SMS: variants seen among roughly 807,000 people sequenced by gnomAD.
SMS encodes spermidine aminopropyltransferase.
In SMS, 3 loss-of-function variants were observed where a neutral mutation model predicts 33.0. That is an observed-to-expected ratio of 0.09 (90% CI 0.04 to 0.23). The LOEUF (loss-of-function observed/expected upper bound fraction) is 0.23. SMS is among the 10% of genes least tolerant of loss of function. SMS has a pLI of 1.00. For synonymous variants in SMS, 103 were observed against 112.2 expected (o/e 0.92, Z 0.52); for missense variants, 117 against 288.6 (o/e 0.41, Z 4.31).
intron 9 of SMS, 29 bp downstream of exon 9, chrX:21,985,252 A>G: frequency 2.2e-6 from 2 of 914,351 alleles, no homozygotes. Context: ...TTTTCCCTCA[A>G]AACGCTCTAA....
chrX:21,951,340 C>T (rs906702718), intron 1 of SMS, among the ~76,000 whole-genome samples: 1 of 112,281 alleles, frequency 8.9e-6, no homozygotes, highest in Non-Finnish European at 1.9e-5. Context: ...GATATTAGAG[C>T]TTTGTCAGAT....
intron 7 of SMS, among the ~76,000 whole-genome samples, chrX:21,979,360 C>T (rs1408192027): frequency 9.2e-6 from 1 of 108,925 alleles, no homozygotes; most frequent in Non-Finnish European, 1.9e-5. Flanking sequence ...CCCTAGCCCC[C>T]TACCCCCGAT....
intron 7 of SMS, among the ~76,000 whole-genome samples, chrX:21,982,186 A>C (rs1415190342): frequency 1.8e-5 from 2 of 108,519 alleles, no homozygotes; most frequent in East Asian, 5.8e-4. Context: ...ATACAAAAAA[A>C]AATTAGCTGG....
chrX:21,944,476 A>G (rs1922036700), intron 1 of SMS, among the ~76,000 whole-genome samples: 1 of 100,559 alleles, frequency 9.9e-6, no homozygotes, highest in Non-Finnish European at 2.0e-5. Flanking sequence ...GCTTGAGCCC[A>G]AGAGTTCAAG....
intron 9 of SMS, among the ~76,000 whole-genome samples, chrX:21,992,190 C>A (rs1298846879): frequency 8.9e-6 from 1 of 112,226 alleles, no homozygotes; most frequent in Non-Finnish European, 1.9e-5. Context: ...GTAGTTTAAA[C>A]CATTGTGGAA....
chrX:21,950,433 C>CTT (rs55704293), intron 1 of SMS, among the ~76,000 whole-genome samples: 3 of 76,810 alleles, frequency 3.9e-5, no homozygotes, highest in African/African-American at 4.9e-5. Context: ...TATGACAGGA[C>CTT]TTTTTTTTTT....
At chrX:21,965,771 ATAAT>A (rs1282776495) in intron 1 of SMS, among the ~76,000 whole-genome samples, 1 of 108,386 alleles carries the variant, frequency 9.2e-6, no homozygotes, top group Non-Finnish European at 1.9e-5. Context: ...ATAAAATAAA[ATAAT>A]AAATAAATAA....
chrX:21,963,370 G>T (rs1213316206), intron 1 of SMS, among the ~76,000 whole-genome samples: 1 of 112,091 alleles, frequency 8.9e-6, no homozygotes, highest in Non-Finnish European at 1.9e-5. Flanking sequence ...TGCCCACAGG[G>T]ACCAGGCGGC....
At chrX:21,972,681 G>C in intron 4 of SMS, 110 bp downstream of exon 4, 1 of 546,196 alleles carries the variant, frequency 1.8e-6, no homozygotes, top group Non-Finnish European at 3.2e-6. Flanking sequence ...GGCCGAGGCA[G>C]GCGGATCACT....
intron 4 of SMS, among the ~76,000 whole-genome samples, chrX:21,975,255 A>T (rs1924459704): frequency 9.0e-6 from 1 of 110,965 alleles, no homozygotes; most frequent in African/African-American, 3.3e-5. Flanking sequence ...ATGCCCTTTA[A>T]TGCTAGGTTG....
At chrX:21,982,395 G>A (rs1925022895) in intron 7 of SMS, among the ~76,000 whole-genome samples, 1 of 109,403 alleles carries the variant, frequency 9.1e-6, no homozygotes, top group Admixed American at 9.8e-5. Flanking sequence ...GGCCCAGGAA[G>A]TTCTTGTGAA....
chrX:21,978,246 A>G (rs1458199905), intron 6 of SMS, 132 bp downstream of exon 6: 1 of 606,077 alleles, frequency 1.6e-6, no homozygotes, highest in East Asian at 3.5e-5. Flanking sequence ...TGAACAGACA[A>G]TTTAGTAACA....
chrX:21,943,979 C>T (rs898380763), intron 1 of SMS, among the ~76,000 whole-genome samples: 1 of 111,366 alleles, frequency 9.0e-6, no homozygotes, highest in African/African-American at 3.3e-5. Flanking sequence ...GATTCATGTT[C>T]TTTTCCCCGT....
intron 9 of SMS, among the ~76,000 whole-genome samples, chrX:21,987,377 G>C (rs772062268): frequency 8.9e-6 from 1 of 111,788 alleles, no homozygotes; most frequent in Non-Finnish European, 1.9e-5. Flanking sequence ...CTGTAGCTTA[G>C]GCTGGAGTGC....
At chrX:21,954,031 T>C (rs1395633787) in intron 1 of SMS, among the ~76,000 whole-genome samples, 1 of 111,217 alleles carries the variant, frequency 9.0e-6, no homozygotes, top group Non-Finnish European at 1.9e-5. Context: ...CATTCTCTAG[T>C]ATGCAGTTTC....
Position 21,940,739 on chromosome X carries a change from C to T in SMS, c.-86C>T. ...TGGCCTCCCCGGGCGCAGCACACTC[C>T]CAGCCGGCCGCAGCCTGACACGCCG... On this transcript the variant is annotated 5_prime_UTR_variant, in exon 1 of 11. Transcript: ENST00000404933. 1.2e-6 allele frequency: 1 copy of T among 822,605 alleles called. No homozygotes were observed. The highest frequency in any genetic ancestry group is 1.7e-6 in the Non-Finnish European group (1 of 591,514). 67.8% of individuals were successfully genotyped at this position (822,605 alleles called of 1,213,427 possible).
intron 9 of SMS, among the ~76,000 whole-genome samples, chrX:21,990,676 G>A (rs1925698051): frequency 8.9e-6 from 1 of 112,550 alleles, no homozygotes; most frequent in African/African-American, 3.2e-5. Flanking sequence ...GTCTGTGTAA[G>A]GAAGTCTTCC....
intron 7 of SMS, among the ~76,000 whole-genome samples, chrX:21,981,119 G>C (rs374244252): frequency 1.8e-5 from 2 of 111,172 alleles, no homozygotes; most frequent in East Asian, 5.6e-4. Context: ...TCAGGAGTTG[G>C]AGAACAGCCT....
intron 4 of SMS, 58 bp from the exon 5 acceptor site, chrX:21,977,003 G>A (rs899698649): frequency 1.0e-5 from 11 of 1,087,136 alleles, no homozygotes; most frequent in Non-Finnish European, 1.4e-5. Flanking sequence ...CTTCATCCTA[G>A]CTCCACTTGT....
Sources: gnomAD v4.1 joint callset for allele counts (sites outside exome capture counted in the v4.1 genomes callset) on GRCh38, gnomAD v4.1.1 for gene constraint, MANE v1.5 for transcripts, NCBI Gene and HGNC (gene_info 2026-07-23, HGNC 2026-07-21) for gene names.